Variants in APBA2 observed in about 807,000 individuals in gnomAD.
APBA2 encodes the protein amyloid-beta A4 precursor protein-binding family A member 2.
Under a neutral mutation model 75.0 loss-of-function variants are expected in APBA2, and 30 were observed. The ratio of observed to expected loss-of-function variants is 0.40; its 90% CI spans 0.30 to 0.54. The LOEUF (loss-of-function observed/expected upper bound fraction) is 0.54. APBA2 is among the 20% of genes least tolerant of loss of function. The pLI is 0.49. For missense variants in APBA2, 801 were observed against 1,016.1 expected, an observed-to-expected ratio of 0.79 and a Z score of 2.88; for synonymous variants, 444 against 409.6, an observed-to-expected ratio of 1.08 and a Z score of -1.01.
chr15:29,072,067 G>A lies in APBA2; in HGVS notation c.952-2854G>A, dbSNP rs543550394. ...GCCCCTGTTGTGTCCCCCAACCCCT[G>A]ACTTATCTGGCCGCCTGATGAGAGT... On this transcript the variant is annotated intron_variant, in intron 4 of 14. Coordinates refer to ENST00000683413, the MANE Select transcript of APBA2 (RefSeq NM_001353788.2). Among the ~76,000 whole-genome samples, 13 of 152,282 alleles carry A rather than the reference G, an allele frequency of 8.5e-5. No homozygotes were observed. The South Asian group carries it at 2.7e-3, about 32-fold the overall frequency.
intron 4 of APBA2, among the ~76,000 whole-genome samples, chr15:29,059,361 C>T (rs913872026): frequency 2.0e-5 from 3 of 152,240 alleles, no homozygotes; most frequent in Non-Finnish European, 4.4e-5. Flanking sequence ...GCTGACTCGT[C>T]TATGCTGCCA....
intron 1 of APBA2, among the ~76,000 whole-genome samples, chr15:28,897,617 CAAAAAAA>C (rs370287342): frequency 3.8e-5 from 3 of 78,798 alleles, no homozygotes; most frequent in African/African-American, 1.1e-4. Context: ...GATTCCGTCT[CAAAAAAA>C]AAAAAAAAAA....
chr15:29,108,244 G>A, intron 12 of APBA2, 26 bp from the exon 13 acceptor site: 2 of 1,613,382 alleles, frequency 1.2e-6, no homozygotes, highest in Non-Finnish European at 1.7e-6. Context: ...GGCCCAGCCT[G>A]TGACTCCTGT....
chr15:29,086,189 G>C (rs1205086999), intron 6 of APBA2, among the ~76,000 whole-genome samples: 1 of 152,220 alleles, frequency 6.6e-6, no homozygotes, highest in Non-Finnish European at 1.5e-5. Context: ...GCACAGGACT[G>C]ATGTTTCTGG....
intron 3 of APBA2, among the ~76,000 whole-genome samples, 171 bp downstream of exon 3, chr15:28,995,977 G>T (rs1319209817): frequency 1.3e-5 from 2 of 152,110 alleles, no homozygotes; most frequent in Non-Finnish European, 2.9e-5. Context: ...TGAAGCTGGG[G>T]TTTGAGTCAC....
intron 1 of APBA2, among the ~76,000 whole-genome samples, chr15:28,894,799 C>T (rs1271633340): frequency 6.6e-6 from 1 of 151,604 alleles, no homozygotes; most frequent in Non-Finnish European, 1.5e-5. Flanking sequence ...GAGAAGGACG[C>T]CGTTAGGGGC....
At chr15:29,013,907 C>T (rs2039528149) in intron 3 of APBA2, among the ~76,000 whole-genome samples, 2 of 152,228 alleles carry the variant, frequency 1.3e-5, no homozygotes, top group South Asian at 4.1e-4. Context: ...GCATATTTGG[C>T]AGTGAAAGCG....
At chr15:29,089,598 T>C (rs12442802) in intron 6 of APBA2, among the ~76,000 whole-genome samples, 117,744 of 152,052 alleles carry the variant, frequency 0.77, 48,568 homozygotes, top group Non-Finnish European at 0.93. Context: ...ATAATTTTCT[T>C]CAAAGGTGGC....
intron 2 of APBA2, among the ~76,000 whole-genome samples, chr15:28,988,976 A>G (rs535822942): frequency 1.6e-4 from 25 of 152,070 alleles, no homozygotes; most frequent in African/African-American, 4.8e-4. Flanking sequence ...GACATTTTAC[A>G]TTTTTGTCTA....
rs375979041 is a variant in APBA2 at position 29,043,090 on chromosome 15, A to T, written c.-40-10755A>T. Reference sequence around the variant, plus strand: ...TTAGACGTAACCCAGGAAGAACAGCAAATACCGGCCAGGCCAGAAGTGCAC... The same window carrying T: ...TTAGACGTAACCCAGGAAGAACAGCTAATACCGGCCAGGCCAGAAGTGCAC... On this transcript the variant is annotated intron_variant, in intron 3 of 14. Coordinates refer to ENST00000683413, the MANE Select transcript of APBA2 (RefSeq NM_001353788.2). 1.1e-4 allele frequency among the ~76,000 whole-genome samples: 16 copies of T among 152,280 alleles called. 1 individual carries two copies. In the East Asian group the frequency reaches 2.3e-3, roughly 22 times the overall value.
chr15:29,037,387 A>G (rs1164468118), intron 3 of APBA2, among the ~76,000 whole-genome samples: 1 of 152,164 alleles, frequency 6.6e-6, no homozygotes, highest in Non-Finnish European at 1.5e-5. Context: ...TCTAGGGACC[A>G]GGCAAACAGC....
At chr15:28,916,897 G>C (rs1341748443) in intron 1 of APBA2, among the ~76,000 whole-genome samples, 1 of 152,154 alleles carries the variant, frequency 6.6e-6, no homozygotes, top group Non-Finnish European at 1.5e-5. Flanking sequence ...ATACATGTGA[G>C]TCCTCCTGGA....
At chr15:28,960,149 A>T (rs1251946365) in intron 2 of APBA2, among the ~76,000 whole-genome samples, 1 of 57,758 alleles carries the variant, frequency 1.7e-5, no homozygotes, top group Non-Finnish European at 4.1e-5. Flanking sequence ...ACCTTGTTTC[A>T]AAAAAAAAAA....
intron 2 of APBA2, among the ~76,000 whole-genome samples, chr15:28,967,359 A>G (rs986992321): frequency 6.6e-6 from 1 of 152,178 alleles, no homozygotes; most frequent in African/African-American, 2.4e-5. Context: ...AGTCTATATC[A>G]TCTTGCTCTG....
chr15:29,083,718 A>T (rs2043177682), intron 6 of APBA2, among the ~76,000 whole-genome samples: 1 of 151,988 alleles, frequency 6.6e-6, no homozygotes, highest in African/African-American at 2.4e-5. Context: ...TTTAGTAGAG[A>T]TGGGGTTTTG....
chr15:29,026,934 C>CA (rs970355403), intron 3 of APBA2, among the ~76,000 whole-genome samples: 2 of 151,678 alleles, frequency 1.3e-5, no homozygotes, highest in Non-Finnish European at 2.9e-5. Context: ...AAAACAAGAA[C>CA]AAAAAAAACC....
rs973835212 is a variant in APBA2, at chr15:28,991,422, G to A, written c.-94-4331G>A. Among the ~76,000 whole-genome samples, 4 of 120,632 alleles carry A rather than the reference G, an allele frequency of 3.3e-5. No homozygotes were observed. The highest frequency in any genetic ancestry group is 7.4e-5 in the African/African-American group (1 of 13,560). 79.1% of individuals were successfully genotyped at this position (120,632 alleles called of 152,430 possible). On this transcript the variant is annotated intron_variant, in intron 2 of 14. Coordinates refer to ENST00000683413, the MANE Select transcript of APBA2 (RefSeq NM_001353788.2). This position sits in a 1 kb window ranked among gnomAD's most constrained non-coding sequence, Gnocchi z 4.7. ...GGGCCGCAGGAGGCGTCCTTGTGCCGGAGCTCACCTTGTGCCGGAGCTCAC... is the reference window on the plus strand; with the variant it reads ...GGGCCGCAGGAGGCGTCCTTGTGCCAGAGCTCACCTTGTGCCGGAGCTCAC...
intron 1 of APBA2, among the ~76,000 whole-genome samples, chr15:28,888,579 T>C (rs138540194): frequency 0.013 from 1,936 of 152,228 alleles, 46 homozygotes; most frequent in African/African-American, 0.043. Context: ...TGGTCCGAAG[T>C]CGTGGAGAAA....
intron 1 of APBA2, among the ~76,000 whole-genome samples, chr15:28,905,943 C>A (rs764594245): frequency 1.3e-5 from 2 of 152,134 alleles, no homozygotes; most frequent in Non-Finnish European, 2.9e-5. Context: ...GAAAGCTTCC[C>A]CCCAAGTTTC....
Sources: allele counts gnomAD v4.1 joint callset (sites outside exome capture counted in the v4.1 genomes callset), GRCh38; gene constraint gnomAD v4.1.1; non-coding constraint Gnocchi (gnomAD v3.1); transcripts MANE v1.5; gene names NCBI Gene and HGNC (gene_info 2026-07-23, HGNC 2026-07-21).